The following TIAL1 variants were observed in gnomAD, a reference collection of about 807,000 sequenced individuals.
The protein encoded by TIAL1 is TIA1 cytotoxic granule associated RNA binding protein like 1, also known as nucleolysin TIAR.
In TIAL1, 7 loss-of-function variants were observed where a neutral mutation model predicts 59.7. The ratio of observed to expected loss-of-function variants is 0.12; its 90% CI spans 0.07 to 0.22. TIAL1 has a LOEUF of 0.22. Ranked by LOEUF, TIAL1 falls within the 10% of genes least tolerant of loss-of-function variation. The pLI, the probability that TIAL1 is intolerant of heterozygous loss-of-function variation, is 1.00. For missense variants in TIAL1, 225 were observed against 462.5 expected, an observed-to-expected ratio of 0.49 and a Z score of 4.71; for synonymous variants, 149 against 146.3, an observed-to-expected ratio of 1.02 and a Z score of -0.13.
At position 119,577,099 on chromosome 10, in the gene TIAL1, A is replaced by G. The variant is rs774236806; in HGVS notation, c.842T>C (p.Met281Thr). ...AATTACCTGTTGGAAGTTTTTAGTC[A>G]TATCAGGAGATTCTTTACCCCAATA... is the stretch of plus-strand genomic sequence containing the variant. ...KCYWGKESPDMTKNFQQVDYS... is the reference protein window; with the variant it reads ...KCYWGKESPDTTKNFQQVDYS... The change falls in exon 10 of 12, where the codon ATG becomes ACG. Residue 281 changes from methionine to threonine, a missense_variant. This residue lies in a region of TIAL1 where 80 missense variants were observed against 158.8 expected (regional missense o/e 0.50). Coordinates refer to ENST00000436547, the MANE Select transcript of TIAL1 (RefSeq NM_003252.4). 12 of 1,613,700 alleles carry G rather than the reference A, an allele frequency of 7.4e-6. No homozygotes were observed. Among genetic ancestry groups the G allele is most frequent in the African/African-American group, 6.7e-5 (5 of 74,932 alleles).
chr10:119,576,515 G>A, intron 11 of TIAL1, 96 bp downstream of exon 11: 1 of 1,467,178 alleles, frequency 6.8e-7, no homozygotes, highest in Non-Finnish European at 9.2e-7. Context: ...ATAGCTCAAT[G>A]TATATAATTA....
chr10:119,594,866 G>T (rs757430551), intron 1 of TIAL1, among the ~76,000 whole-genome samples: 7 of 152,070 alleles, frequency 4.6e-5, no homozygotes, highest in Admixed American at 4.6e-4. Context: ...CTCGTGATCC[G>T]CCCACCTCGG....
At chr10:119,584,779 A>T (rs1193966354) in intron 2 of TIAL1, among the ~76,000 whole-genome samples, 1 of 151,960 alleles carries the variant, frequency 6.6e-6, no homozygotes, top group East Asian at 1.9e-4. Flanking sequence ...CAGTGAGCCA[A>T]GATCGTGCCA....
intron 2 of TIAL1, among the ~76,000 whole-genome samples, chr10:119,583,202 T>C (rs1263232307): frequency 6.6e-6 from 1 of 152,188 alleles, no homozygotes; most frequent in African/African-American, 2.4e-5. Context: ...GAAGATTCTA[T>C]ATACTTTGAA....
intron 7 of TIAL1, among the ~76,000 whole-genome samples, chr10:119,578,300 T>G (rs1416779882): frequency 1.3e-5 from 2 of 151,592 alleles, no homozygotes; most frequent in Non-Finnish European, 2.9e-5. Context: ...ATGCTATGAT[T>G]TGACACAGAC....
Position 119,577,775 on chromosome 10 carries a change from T to C in TIAL1, c.557-39A>G, listed in dbSNP as rs191855350. On this transcript the variant is annotated intron_variant, in intron 7 of 11. Transcript: ENST00000436547. ...CAAAACAAAAACGTTGACTGTTATA[T>C]TGTACTATGAAACTCTTCTGTTAAT... 1.4e-3 allele frequency: 2,176 copies of C among 1,513,040 alleles called. 2 individuals carry two copies. The highest frequency in any genetic ancestry group is 1.9e-3 in the South Asian group (165 of 88,922). The allele number at this position is 1,513,040 out of a possible 1,614,324, so 93.7% of individuals were successfully genotyped here.
intron 1 of TIAL1, among the ~76,000 whole-genome samples, chr10:119,592,552 C>T (rs1199849098): frequency 6.6e-6 from 1 of 152,186 alleles, no homozygotes; most frequent in Non-Finnish European, 1.5e-5. Flanking sequence ...AGCACTTTCA[C>T]ACAAAAAACT....
intron 2 of TIAL1, among the ~76,000 whole-genome samples, chr10:119,583,617 G>T (rs1845401003): frequency 6.6e-6 from 1 of 152,134 alleles, no homozygotes; most frequent in African/African-American, 2.4e-5. Flanking sequence ...GGACTTACAA[G>T]GGATAAATAT....
chr10:119,580,573 T>G, intron 5 of TIAL1: 9 of 999,308 alleles, frequency 9.0e-6, no homozygotes, highest in Non-Finnish European at 9.6e-6. Flanking sequence ...TTTCAGAAAT[T>G]TAAGAAAGGA....
At chr10:119,583,368 C>T (rs1410941582) in intron 2 of TIAL1, among the ~76,000 whole-genome samples, 1 of 152,104 alleles carries the variant, frequency 6.6e-6, no homozygotes. Flanking sequence ...CAACCCTGTG[C>T]TTGACAGTAG....
rs758551595 is a variant in TIAL1, at chr10:119,577,655, G to A, written c.638C>T (p.Ala213Val). The A allele has an allele frequency of 1.2e-6, 2 of 1,613,954 alleles. No homozygotes were observed. Among genetic ancestry groups the A allele is most frequent in the South Asian group, 2.2e-5 (2 of 91,080 alleles). The change falls in exon 8 of 12, where the codon GCG (alanine) becomes GTG (valine). Residue 213 changes from alanine (A) to valine (V), a missense_variant. By Grantham distance (64) the Ala-to-Val change is moderately conservative (BLOSUM62 0). Around this residue, in one of 4 missense-constraint regions of TIAL1, gnomAD observed 80 missense variants for 158.8 expected, o/e 0.50. Transcript: ENST00000436547. ...KNCTVYCGGI[A>V]SGLTDQLMRQ... ...AAACATTGTACCTGTTAACCCAGACGCAATTCCTCCACAGTACACAGTACA... is the reference window on the plus strand; with the variant it reads ...AAACATTGTACCTGTTAACCCAGACACAATTCCTCCACAGTACACAGTACA...
chr10:119,588,819 T>C (rs986806218), intron 1 of TIAL1, among the ~76,000 whole-genome samples: 3 of 152,194 alleles, frequency 2.0e-5, no homozygotes, highest in African/African-American at 7.2e-5. Context: ...TATACCCCAA[T>C]GGCATTATTA....
chr10:119,574,879 T>C lies in TIAL1; in HGVS notation c.*786A>G, dbSNP rs888201165. Reference sequence around the variant, plus strand: ...CACTGTAGTTATTGAATATTTACAATATGTATCATTTAAACTTCATGTAAA... The same window carrying C: ...CACTGTAGTTATTGAATATTTACAACATGTATCATTTAAACTTCATGTAAA... On this transcript the variant is annotated 3_prime_UTR_variant, in exon 12 of 12. Coordinates refer to ENST00000436547, the MANE Select transcript of TIAL1 (RefSeq NM_003252.4). 3 of 152,650 alleles carry C rather than the reference T, an allele frequency of 2.0e-5. No individual in the cohort carries two copies. The highest frequency in any genetic ancestry group is 7.2e-5 in the African/African-American group (3 of 41,448). The allele number at this position is 152,650 out of a possible 1,614,324, so 9.5% of individuals were successfully genotyped here.
At chr10:119,591,361 C>T (rs1845872787) in intron 1 of TIAL1, among the ~76,000 whole-genome samples, 2 of 151,194 alleles carry the variant, frequency 1.3e-5, no homozygotes, top group Non-Finnish European at 2.9e-5. Flanking sequence ...GGGCTGAGAT[C>T]GCGCCATGGC....
intron 1 of TIAL1, 39 bp from the exon 2 acceptor site, chr10:119,588,287 T>G (rs1464601867): frequency 7.6e-7 from 1 of 1,307,622 alleles, no homozygotes; most frequent in African/African-American, 1.5e-5. Flanking sequence ...AATTTTTCCT[T>G]TAGCTCTGGC....
chr10:119,586,045 C>T (rs1161852459), intron 2 of TIAL1, among the ~76,000 whole-genome samples: 15 of 152,184 alleles, frequency 9.9e-5, no homozygotes, highest in Admixed American at 9.8e-4. Flanking sequence ...TCTCTGTGAA[C>T]TCATCTAGTC....
Position 119,575,786 on chromosome 10 carries a change from G to A in TIAL1, c.1007C>T (p.Ser336Leu). Residue 336 changes from serine (S) to leucine (L), a missense_variant, in exon 12 of 12, where the codon TCA becomes TTA. Physicochemically the swap from Ser to Leu is moderately radical, Grantham distance 145. Around this residue, in one of 4 missense-constraint regions of TIAL1, gnomAD observed 68 missense variants for 71.3 expected, o/e 0.95. Coordinates refer to ENST00000436547, the MANE Select transcript of TIAL1 (RefSeq NM_003252.4). ...TCCACCCATCCAAGCAGCAGAAGGT[G>A]ATTGACTTGGAAGAAAAAGAAAAAA... ...WNQQGFGVDQ[S>L]PSAAWMGGFG... is the part of the protein sequence containing the mutation. 3 of 1,524,534 alleles carry A rather than the reference G, an allele frequency of 2.0e-6. No individual in the cohort carries two copies. The highest frequency in any genetic ancestry group is 2.6e-6 in the Non-Finnish European group (3 of 1,141,052). 94.4% of individuals were successfully genotyped at this position (1,524,534 alleles called of 1,614,324 possible).
intron 2 of TIAL1, among the ~76,000 whole-genome samples, chr10:119,586,438 A>T (rs928188448): frequency 6.6e-6 from 1 of 152,190 alleles, no homozygotes; most frequent in Admixed American, 6.5e-5. Context: ...ATAAGCCTCC[A>T]TCATCTCTTA....
Position 119,579,726 on chromosome 10 carries a change from T to A in TIAL1, c.447+209A>T, listed in dbSNP as rs532822741. Among the ~76,000 whole-genome samples, 6 of 152,324 alleles carry A rather than the reference T, an allele frequency of 3.9e-5. No individual in the cohort carries two copies. The South Asian group carries it at 1.2e-3, about 32-fold the overall frequency. On this transcript the variant is annotated intron_variant, in intron 6 of 11. Coordinates refer to ENST00000436547, the MANE Select transcript of TIAL1 (RefSeq NM_003252.4). ...AACACAATTTTAATAATCTTCCTTA[T>A]AGTATAATCATTCTTTTTCTAGCTA...
Sources: allele counts gnomAD v4.1 joint callset (sites outside exome capture counted in the v4.1 genomes callset), GRCh38; gene constraint gnomAD v4.1.1; regional missense constraint gnomAD v4.1.1; transcripts MANE v1.5; gene names NCBI Gene and HGNC (gene_info 2026-07-23, HGNC 2026-07-21).